Variants in SIK2 observed in about 807,000 individuals in gnomAD.
SIK2 encodes salt inducible kinase 2.
SIK2 carries 29 observed loss-of-function variants against 103.2 expected under a neutral mutation model. That is an observed-to-expected ratio of 0.28 (90% confidence interval 0.21 to 0.38). SIK2 has a LOEUF of 0.38. Ranked by LOEUF, SIK2 falls within the 10% of genes least tolerant of loss-of-function variation. SIK2 has a pLI of 1.00. For missense variants in SIK2, 879 were observed against 1,171.0 expected, an observed-to-expected ratio of 0.75 and a Z score of 3.64; for synonymous variants, 412 against 446.1, an observed-to-expected ratio of 0.92 and a Z score of 0.96.
chr11:111,727,017 A>T lies in SIK2; in HGVS notation c.*2888A>T. ...TAGCTCTGCAATTCCCAGCTGGGCA[A>T]GTGTGTCTCTAGTATCTCCACGCAA... On this transcript the variant is annotated 3_prime_UTR_variant, in exon 15 of 15. Transcript: ENST00000304987. 1.2e-6 allele frequency: 2 copies of T among 1,614,094 alleles called. No homozygotes were observed. Among genetic ancestry groups the T allele is most frequent in the Non-Finnish European group, 1.7e-6 (2 of 1,179,996 alleles).
At chr11:111,632,349 AT>A (rs749800999) in intron 3 of SIK2, among the ~76,000 whole-genome samples, 8 of 152,144 alleles carry the variant, frequency 5.3e-5, no homozygotes, top group Non-Finnish European at 8.8e-5. Context: ...CCTGTTAAAA[AT>A]TTTCAGGGAC....
At chr11:111,685,196 T>G (rs567272028) in intron 3 of SIK2, among the ~76,000 whole-genome samples, 2 of 152,226 alleles carry the variant, frequency 1.3e-5, no homozygotes, top group Non-Finnish European at 2.9e-5. Flanking sequence ...GATGAAACTG[T>G]TCCACCTCAG....
At chr11:111,683,719 T>C (rs1415535324) in intron 3 of SIK2, among the ~76,000 whole-genome samples, 2 of 152,220 alleles carry the variant, frequency 1.3e-5, no homozygotes, top group Non-Finnish European at 2.9e-5. Context: ...CCCAAAGTGC[T>C]GGGATTACAA....
intron 3 of SIK2, among the ~76,000 whole-genome samples, chr11:111,653,802 C>T (rs1227056336): frequency 1.3e-5 from 2 of 152,252 alleles, no homozygotes; most frequent in African/African-American, 4.8e-5. Context: ...CTGGGGCAAG[C>T]TGGGAGGTGT....
At chr11:111,648,279 C>G (rs752645273) in intron 3 of SIK2, among the ~76,000 whole-genome samples, 1 of 97,296 alleles carries the variant, frequency 1.0e-5, no homozygotes, top group Non-Finnish European at 2.8e-5. Context: ...TAACAAAATA[C>G]CTTAAACTGG....
In SIK2 at chr11:111,722,924, A is replaced by G. The variant is rs1045131336; in HGVS notation, c.2147+168A>G. On this transcript the variant is annotated intron_variant, in intron 14 of 14. Coordinates refer to ENST00000304987, the MANE Select transcript of SIK2 (RefSeq NM_015191.3). The surrounding 1 kb of genome is among the most constrained non-coding windows in gnomAD (Gnocchi z 4.4). ...TTACTAAGAGGATATCTCAGTATCC[A>G]TGGAGGATGGTCCTGTCAGGCACTG... Among the ~76,000 whole-genome samples the G allele has an allele frequency of 7.9e-5, 12 of 152,186 alleles. No individual in the cohort carries two copies. The highest frequency in any genetic ancestry group is 1.3e-4 in the Admixed American group (2 of 15,284).
intron 7 of SIK2, 94 bp from the exon 8 acceptor site, chr11:111,704,893 C>A: frequency 2.2e-6 from 3 of 1,388,022 alleles, no homozygotes; most frequent in Non-Finnish European, 2.9e-6. Context: ...TTTTTAAGAG[C>A]ACACAATTTC....
chr11:111,709,967 G>C (rs1943453852), intron 8 of SIK2, among the ~76,000 whole-genome samples: 1 of 152,216 alleles, frequency 6.6e-6, no homozygotes, highest in Non-Finnish European at 1.5e-5. Flanking sequence ...GTCGTAGTTA[G>C]GGCATGGGCA....
At chr11:111,655,601 A>G (rs545174261) in intron 3 of SIK2, among the ~76,000 whole-genome samples, 3 of 152,190 alleles carry the variant, frequency 2.0e-5, no homozygotes, top group Non-Finnish European at 4.4e-5. Context: ...TGACAATGGT[A>G]ATGATGGCGG....
At chr11:111,671,561 C>T (rs528009341) in intron 3 of SIK2, 1 of 326,020 alleles carries the variant, frequency 3.1e-6, no homozygotes, top group South Asian at 3.0e-5. Context: ...TCAGCCTTGG[C>T]CTGGCTGTGA....
In SIK2 at chr11:111,701,025, T is replaced by G; in HGVS notation, c.603+15T>G. ...TGGACATCTGGGTACTGCTTTGCTT[T>G]GCTGTGTTGTTAAATGCATCTATAC... is the stretch of plus-strand genomic sequence containing the variant. On this transcript the variant is annotated intron_variant, in intron 5 of 14. Coordinates refer to ENST00000304987, the MANE Select transcript of SIK2 (RefSeq NM_015191.3). This position sits in a 1 kb window ranked among gnomAD's most constrained non-coding sequence, Gnocchi z 4.2. 1 of 1,612,174 alleles carries G rather than the reference T, an allele frequency of 6.2e-7. No homozygotes were observed.
intron 3 of SIK2, among the ~76,000 whole-genome samples, chr11:111,641,447 G>A (rs1452921696): frequency 6.6e-6 from 1 of 151,988 alleles, no homozygotes; most frequent in African/African-American, 2.4e-5. Context: ...GAATTACCTT[G>A]GACTCATTCT....
chr11:111,719,020 C>T (rs184800035), intron 9 of SIK2, among the ~76,000 whole-genome samples: 206 of 152,246 alleles, frequency 1.4e-3, no homozygotes, highest in Non-Finnish European at 2.1e-3. Flanking sequence ...TGCGCTCACC[C>T]CTGTGGGATA....
intron 3 of SIK2, among the ~76,000 whole-genome samples, chr11:111,662,678 A>T (rs1285514646): frequency 1.3e-5 from 2 of 152,026 alleles, no homozygotes; most frequent in Non-Finnish European, 2.9e-5. Context: ...GTAGTTTGAG[A>T]CCAGCCTGGG....
chr11:111,699,363 G>A (rs1943157106), intron 4 of SIK2, among the ~76,000 whole-genome samples: 1 of 152,130 alleles, frequency 6.6e-6, no homozygotes, highest in Non-Finnish European at 1.5e-5. Context: ...TTCTCTGAAA[G>A]GCAACAGTTG....
At chr11:111,672,683 A>G (rs898167309) in intron 3 of SIK2, among the ~76,000 whole-genome samples, 1 of 152,222 alleles carries the variant, frequency 6.6e-6, no homozygotes, top group Non-Finnish European at 1.5e-5. Context: ...CCTACAAGGT[A>G]GTCAGAAAAC....
intron 3 of SIK2, among the ~76,000 whole-genome samples, chr11:111,665,562 G>A (rs1052465527): frequency 2.0e-5 from 3 of 151,924 alleles, no homozygotes; most frequent in Admixed American, 6.6e-5. Flanking sequence ...GGTGGCTCAC[G>A]CCTGTAATCC....
At chr11:111,613,300 A>G (rs1036063363) in intron 1 of SIK2, among the ~76,000 whole-genome samples, 5 of 152,172 alleles carry the variant, frequency 3.3e-5, no homozygotes, top group African/African-American at 7.2e-5. Context: ...TTTAAAAACC[A>G]TAATCCCTTC....
At chr11:111,642,950 C>T (rs895388136) in intron 3 of SIK2, among the ~76,000 whole-genome samples, 1 of 151,502 alleles carries the variant, frequency 6.6e-6, no homozygotes, top group Non-Finnish European at 1.5e-5. Flanking sequence ...CTATAATTCC[C>T]TCACCCTTAT....
Sources: allele counts gnomAD v4.1 joint callset (sites outside exome capture counted in the v4.1 genomes callset), GRCh38; gene constraint gnomAD v4.1.1; non-coding constraint Gnocchi (gnomAD v3.1); transcripts MANE v1.5; gene names NCBI Gene and HGNC (gene_info 2026-07-23, HGNC 2026-07-21).